MAP7D2: variants seen among roughly 807,000 people sequenced by gnomAD.
MAP7D2 encodes MAP7 domain-containing protein 2.
MAP7D2 carries 33 observed loss-of-function variants against 63.5 expected under a neutral mutation model. The observed-to-expected ratio is 0.52, with a 90% CI of 0.39 to 0.70. The LOEUF (loss-of-function observed/expected upper bound fraction) is 0.70, where lower values mean the gene tolerates loss of function less well. Ranked by LOEUF, MAP7D2 falls within the 30% of genes least tolerant of loss-of-function variation. MAP7D2 has a pLI of 0.00. For synonymous variants in MAP7D2, 224 were observed against 223.7 expected (o/e 1.00, Z -0.01); for missense variants, 626 against 604.0 (o/e 1.04, Z -0.38).
At chrX:20,065,264 CTT>C (rs779399409) in intron 1 of MAP7D2, among the ~76,000 whole-genome samples, 11 of 91,433 alleles carry the variant, frequency 1.2e-4, no homozygotes, top group African/African-American at 2.4e-4. Flanking sequence ...GAACATTTTA[CTT>C]TTTTTTTTTT....
At chrX:20,100,616 G>A (rs186903133) in intron 1 of MAP7D2, among the ~76,000 whole-genome samples, 4 of 109,540 alleles carry the variant, frequency 3.7e-5, no homozygotes, top group Non-Finnish European at 5.7e-5. Flanking sequence ...AGTAGAGCTG[G>A]GGGGGAGGGA....
chrX:20,104,931 G>A (rs1406362742), intron 1 of MAP7D2, among the ~76,000 whole-genome samples: 2 of 112,363 alleles, frequency 1.8e-5, no homozygotes, highest in Non-Finnish European at 3.8e-5. Flanking sequence ...CTGAAAACGC[G>A]CTAGGTATTG....
intron 1 of MAP7D2, among the ~76,000 whole-genome samples, chrX:20,081,631 C>A (rs2065779723): frequency 9.1e-6 from 1 of 110,262 alleles, no homozygotes; most frequent in Non-Finnish European, 1.9e-5. Context: ...CTTCCTTGGC[C>A]ATCTCACTGG....
At chrX:20,039,681 G>A (rs1417893218) in intron 8 of MAP7D2, among the ~76,000 whole-genome samples, 6 of 110,765 alleles carry the variant, frequency 5.4e-5, no homozygotes, top group African/African-American at 1.6e-4. Context: ...AATCTGGGTG[G>A]GTACCATCTA....
intron 1 of MAP7D2, among the ~76,000 whole-genome samples, chrX:20,111,163 T>C (rs903774911): frequency 9.0e-6 from 1 of 111,359 alleles, no homozygotes; most frequent in Non-Finnish European, 1.9e-5. Flanking sequence ...CAGCAGACTG[T>C]ACCAGCATGA....
intron 3 of MAP7D2, among the ~76,000 whole-genome samples, chrX:20,061,109 G>C (rs966404586): frequency 8.7e-5 from 5 of 57,602 alleles, no homozygotes; most frequent in South Asian, 1.3e-3. Flanking sequence ...GACAGAGACA[G>C]AACATGACCA....
intron 16 of MAP7D2, among the ~76,000 whole-genome samples, chrX:20,010,032 T>C (rs1383183119): frequency 6.3e-5 from 7 of 111,622 alleles, no homozygotes; most frequent in East Asian, 2.8e-4. Context: ...GGAGGAGCAA[T>C]TGGAATTATT....
chrX:20,083,321 CT>C (rs971053216), intron 1 of MAP7D2, among the ~76,000 whole-genome samples: 2 of 112,184 alleles, frequency 1.8e-5, no homozygotes, highest in Non-Finnish European at 3.8e-5. Flanking sequence ...ACAAGCTTCT[CT>C]TTTGGCCATT....
intron 1 of MAP7D2, among the ~76,000 whole-genome samples, chrX:20,067,776 T>G (rs767326267): frequency 1.8e-5 from 2 of 112,286 alleles, no homozygotes; most frequent in South Asian, 7.5e-4. Flanking sequence ...AAGTGATGCA[T>G]GCAGGGAACA....
At chrX:20,097,754 G>C (rs749383729) in intron 1 of MAP7D2, among the ~76,000 whole-genome samples, 1 of 111,546 alleles carries the variant, frequency 9.0e-6, no homozygotes, top group East Asian at 2.8e-4. Flanking sequence ...CAGGTGGGAA[G>C]TGCTGTCCTG....
At chrX:20,029,213 A>G (rs186036417) in intron 8 of MAP7D2, among the ~76,000 whole-genome samples, 246 of 112,327 alleles carry the variant, frequency 2.2e-3, no homozygotes, top group Non-Finnish European at 3.7e-3. Context: ...CTTCCTGCAG[A>G]CATGACTCCG....
chrX:20,065,884 T>A (rs1391820015), intron 1 of MAP7D2, among the ~76,000 whole-genome samples: 3 of 110,432 alleles, frequency 2.7e-5, no homozygotes, highest in African/African-American at 1.0e-4. Flanking sequence ...CTGGACCCAG[T>A]ATATTATGTA....
chrX:20,021,179 C>T (rs2073625321), intron 10 of MAP7D2, among the ~76,000 whole-genome samples: 1 of 111,896 alleles, frequency 8.9e-6, no homozygotes, highest in South Asian at 3.8e-4. Context: ...GGGCCATCCA[C>T]AGCCTGGGGG....
At chrX:20,088,299 T>C (rs1165752818) in intron 1 of MAP7D2, among the ~76,000 whole-genome samples, 1 of 104,597 alleles carries the variant, frequency 9.6e-6, no homozygotes, top group East Asian at 3.0e-4. Context: ...AGTTTTCTTT[T>C]TTTTTTTTTT....
intron 12 of MAP7D2, 102 bp from the exon 13 acceptor site, chrX:20,013,727 T>C (rs2073283893): frequency 3.5e-6 from 2 of 575,874 alleles, no homozygotes; most frequent in South Asian, 3.2e-5. Flanking sequence ...CTCAGAAAAC[T>C]TGTAAAAGGC....
chrX:20,084,971 G>C (rs891907751), intron 1 of MAP7D2, among the ~76,000 whole-genome samples: 2 of 111,608 alleles, frequency 1.8e-5, no homozygotes, highest in Non-Finnish European at 3.8e-5. Flanking sequence ...GCAGTACAGT[G>C]AAACCATGGT....
At chrX:20,087,220 C>T (rs998015747) in intron 1 of MAP7D2, among the ~76,000 whole-genome samples, 1 of 112,240 alleles carries the variant, frequency 8.9e-6, no homozygotes, top group Non-Finnish European at 1.9e-5. Context: ...GGATAACTGA[C>T]GTTGACATTT....
chrX:20,109,811 G>A (rs113350385), intron 1 of MAP7D2, among the ~76,000 whole-genome samples: 3,180 of 109,153 alleles, frequency 0.029, 45 homozygotes, highest in Non-Finnish European at 0.045. Context: ...TTTGGGAGGC[G>A]GATCACCTGA....
intron 8 of MAP7D2, among the ~76,000 whole-genome samples, chrX:20,033,967 G>A (rs894083784): frequency 3.6e-5 from 4 of 111,407 alleles, no homozygotes; most frequent in Non-Finnish European, 5.6e-5. Context: ...GCTCACACCT[G>A]TAATCACAGC....
Sources: allele counts gnomAD v4.1 joint callset (sites outside exome capture counted in the v4.1 genomes callset), GRCh38; gene constraint gnomAD v4.1.1; transcripts MANE v1.5; gene names NCBI Gene and HGNC (gene_info 2026-07-23, HGNC 2026-07-21).